GNL2: variants seen among roughly 807,000 people sequenced by gnomAD.
GNL2 encodes the protein G protein nucleolar 2.
A neutral mutation model predicts 92.3 loss-of-function variants in GNL2; 51 were observed. That is an observed-to-expected ratio of 0.55 (90% CI 0.44 to 0.70). GNL2 has a LOEUF of 0.70. Ranked by LOEUF, GNL2 falls within the 30% of genes least tolerant of loss-of-function variation. The probability of loss-of-function intolerance (pLI) is 0.00; values close to 1 mark genes in which losing one functional copy is unlikely to be tolerated. For missense variants in GNL2, 844 were observed against 895.6 expected, an observed-to-expected ratio of 0.94 and a Z score of 0.74; for synonymous variants, 283 against 300.6, an observed-to-expected ratio of 0.94 and a Z score of 0.61.
intron 8 of GNL2, 117 bp downstream of exon 8, chr1:37,582,106 C>G (rs1643779344): frequency 1.6e-6 from 1 of 630,232 alleles, no homozygotes; most frequent in African/African-American, 1.9e-5. Flanking sequence ...GACTACAGAC[C>G]TGCGCAACCA....
rs377586674 is a variant in GNL2 at position 37,590,780 on chromosome 1, T to C, written c.310A>G (p.Lys104Glu). Residue 104 changes from lysine (K) to glutamate (E), a missense_variant, in exon 4 of 16, where the codon AAG (lysine) becomes GAG (glutamate). Physicochemically the swap from Lys to Glu is moderately conservative, Grantham distance 56. Coordinates refer to ENST00000373062, the MANE Select transcript of GNL2 (RefSeq NM_013285.3). ...TTCATGACAACTTTGTATGGATCCTTCATAACTGTATCCATTTCCTCTTGA... is the reference window on the plus strand; with the variant it reads ...TTCATGACAACTTTGTATGGATCCTCCATAACTGTATCCATTTCCTCTTGA... ...KFQEEMDTVM[K>E]DPYKVVMKQS... 9 of 1,604,342 alleles carry C rather than the reference T, an allele frequency of 5.6e-6. No homozygotes were observed. The highest frequency in any genetic ancestry group is 5.4e-5 in the African/African-American group (4 of 74,676).
chr1:37,584,861 C>G (rs1643827577), intron 5 of GNL2, among the ~76,000 whole-genome samples: 1 of 151,748 alleles, frequency 6.6e-6, no homozygotes. Context: ...GGCAGTGGAT[C>G]ATAAGGCCAG....
chr1:37,592,231 CCT>C (rs1331625073), intron 3 of GNL2, among the ~76,000 whole-genome samples: 1 of 152,114 alleles, frequency 6.6e-6, no homozygotes, highest in Non-Finnish European at 1.5e-5. Flanking sequence ...CTGTGATCAC[CCT>C]GAGACTGAAG....
At chr1:37,569,625 A>G (rs1459586424) in intron 12 of GNL2, 5 of 248,904 alleles carry the variant, frequency 2.0e-5, no homozygotes, top group African/African-American at 9.0e-5. Context: ...TGATATAAGC[A>G]CATGCAAAAT....
intron 5 of GNL2, 64 bp from the exon 6 acceptor site, chr1:37,583,997 G>A: frequency 1.1e-5 from 10 of 947,350 alleles, no homozygotes; most frequent in African/African-American, 1.6e-5. Flanking sequence ...GATGCTTTAG[G>A]GTAAAGTCAA....
intron 5 of GNL2, among the ~76,000 whole-genome samples, chr1:37,586,043 T>A (rs1643845224): frequency 6.6e-6 from 1 of 152,228 alleles, no homozygotes; most frequent in Admixed American, 6.5e-5. Context: ...CATTGATGCT[T>A]CATCCTTGTG....
intron 1 of GNL2, 121 bp downstream of exon 1, chr1:37,595,638 C>T: frequency 1.2e-6 from 1 of 819,394 alleles, no homozygotes; most frequent in South Asian, 1.5e-5. Context: ...CAACAGCCAC[C>T]CCGCTCGTAG....
chr1:37,584,246 C>G (rs866990118), intron 5 of GNL2, among the ~76,000 whole-genome samples: 1 of 151,748 alleles, frequency 6.6e-6, no homozygotes, highest in South Asian at 2.1e-4. Flanking sequence ...CCCAGGAGTT[C>G]GAGACCAGCC....
chr1:37,583,685 T>G (rs959292855), intron 6 of GNL2, among the ~76,000 whole-genome samples, 182 bp downstream of exon 6: 2 of 152,228 alleles, frequency 1.3e-5, no homozygotes, highest in Admixed American at 1.3e-4. Flanking sequence ...CTTTAAAAAA[T>G]GCAGTTACCT....
chr1:37,593,293 A>G (rs993366974), intron 2 of GNL2, among the ~76,000 whole-genome samples: 5 of 152,226 alleles, frequency 3.3e-5, no homozygotes, highest in Non-Finnish European at 7.3e-5. Flanking sequence ...CAAACAAATT[A>G]AGACCAGTTA....
At chr1:37,591,129 GA>G (rs1353690150) in intron 3 of GNL2, among the ~76,000 whole-genome samples, 1 of 152,168 alleles carries the variant, frequency 6.6e-6, no homozygotes, top group Non-Finnish European at 1.5e-5. Context: ...AAATAGCGTG[GA>G]ATGGAACTGA....
In GNL2 at chr1:37,569,228, A is replaced by C; in HGVS notation, c.1491T>G (p.Thr497=). The C allele has an allele frequency of 6.2e-7, 1 of 1,613,860 alleles. No individual in the cohort carries two copies. Among genetic ancestry groups the C allele is most frequent in the South Asian group, 1.1e-5 (1 of 91,086 alleles). Residue 497 remains threonine (T), a synonymous_variant, in exon 13 of 16, where the codon ACT becomes ACG. Coordinates refer to ENST00000373062, the MANE Select transcript of GNL2 (RefSeq NM_013285.3). ...TGATGGATTCTGACCCTTCACCTGCAGTTTCTGTGACTTCCTCCCCTGGAT... is the reference window on the plus strand; with the variant it reads ...TGATGGATTCTGACCCTTCACCTGCCGTTTCTGTGACTTCCTCCCCTGGAT... ...QNNPGEEVTE[T]AGEGSESIIK...
intron 12 of GNL2, among the ~76,000 whole-genome samples, chr1:37,572,780 G>A (rs1356199375): frequency 6.6e-6 from 1 of 152,154 alleles, no homozygotes; most frequent in Non-Finnish European, 1.5e-5. Flanking sequence ...TTTGTAGTTA[G>A]CCGGGCGTAA....
chr1:37,594,644 C>G (rs952763180), intron 1 of GNL2, among the ~76,000 whole-genome samples: 1 of 152,192 alleles, frequency 6.6e-6, no homozygotes. Context: ...CCGGTTCATG[C>G]AATTCTTCCA....
At chr1:37,595,631 C>T in intron 1 of GNL2, 128 bp downstream of exon 1, 1 of 780,768 alleles carries the variant, frequency 1.3e-6, no homozygotes, top group Non-Finnish European at 2.2e-6. Context: ...TCATCCCCAA[C>T]AGCCACCCCG....
chr1:37,582,418 G>A (rs1014308827), intron 7 of GNL2, 82 bp from the exon 8 acceptor site: 1 of 799,970 alleles, frequency 1.3e-6, no homozygotes, highest in Non-Finnish European at 2.0e-6. Context: ...TTGAATTACA[G>A]AACTGTTTCA....
chr1:37,574,142 C>T (rs1174455132), intron 12 of GNL2, among the ~76,000 whole-genome samples: 3 of 152,158 alleles, frequency 2.0e-5, no homozygotes, highest in African/African-American at 7.2e-5. Flanking sequence ...CCACCTACCT[C>T]GGCCTCCCAA....
chr1:37,595,787 G>A lies in GNL2; in HGVS notation c.36C>T (p.Ile12=), dbSNP rs369840580. Residue 12 remains isoleucine (I), a synonymous_variant, in exon 1 of 16, where the codon ATC becomes ATT. Transcript: ENST00000373062. ...VKPKYKGRST[I]NPSKASTNPD... Reference sequence around the variant, plus strand: ...GGTTTGTGCTGGCCTTGGACGGGTTGATGGTGCTCCGTCCTTTGTACTTGG... The same window carrying A: ...GGTTTGTGCTGGCCTTGGACGGGTTAATGGTGCTCCGTCCTTTGTACTTGG... 1 of 1,614,070 alleles carries A rather than the reference G, an allele frequency of 6.2e-7. No individual in the cohort carries two copies. The highest frequency in any genetic ancestry group is 8.5e-7 in the Non-Finnish European group (1 of 1,180,010).
intron 1 of GNL2, among the ~76,000 whole-genome samples, chr1:37,595,218 T>A (rs1432832216): frequency 1.3e-5 from 2 of 152,264 alleles, no homozygotes; most frequent in African/African-American, 4.8e-5. Context: ...GATGTCTTGT[T>A]AATCGTACAG....
Sources: gnomAD v4.1 joint callset for allele counts (sites outside exome capture counted in the v4.1 genomes callset) on GRCh38, gnomAD v4.1.1 for gene constraint, MANE v1.5 for transcripts, NCBI Gene and HGNC (gene_info 2026-07-23, HGNC 2026-07-21) for gene names.